Variants in BLTP3B observed in about 807,000 individuals in gnomAD.
BLTP3B encodes bridge-like lipid transfer protein family member 3B.
chr12:100,053,485 AG>A, the BLTP3B span, among the ~76,000 whole-genome samples: 2 of 152,284 alleles, frequency 1.3e-5, no homozygotes, highest in African/African-American at 2.4e-5. Context: ...AAGACTAGTT[AG>A]GGACCAGAGG....
At chr12:100,074,560 T>C in the BLTP3B span, among the ~76,000 whole-genome samples, 3 of 150,190 alleles carry the variant, frequency 2.0e-5, no homozygotes, top group Non-Finnish European at 4.4e-5. Context: ...CACCACTGTA[T>C]TCCAGCCTGG....
the BLTP3B span, among the ~76,000 whole-genome samples, chr12:100,079,522 T>C: frequency 6.6e-6 from 1 of 152,174 alleles, no homozygotes; most frequent in Non-Finnish European, 1.5e-5. Flanking sequence ...TAAGCAGCAA[T>C]GCATTCAAGG....
At chr12:100,042,235 A>G in the BLTP3B span, among the ~76,000 whole-genome samples, 2 of 152,206 alleles carry the variant, frequency 1.3e-5, no homozygotes, top group Non-Finnish European at 2.9e-5. Flanking sequence ...CTTTGTAGAA[A>G]TTATAAGTTG....
At chr12:100,139,152 T>C in the BLTP3B span, among the ~76,000 whole-genome samples, 1 of 152,200 alleles carries the variant, frequency 6.6e-6, no homozygotes, top group East Asian at 1.9e-4. Flanking sequence ...ATTCTTCAAG[T>C]AGATAAACTT....
chr12:100,092,892 A>G, the BLTP3B span: 1 of 985,140 alleles, frequency 1.0e-6, no homozygotes, highest in South Asian at 4.7e-5. Flanking sequence ...CTTCAAAATG[A>G]CTTTTCTTAC....
the BLTP3B span, among the ~76,000 whole-genome samples, chr12:100,132,891 T>C: frequency 7.2e-5 from 11 of 152,026 alleles, no homozygotes; most frequent in African/African-American, 2.7e-4. Flanking sequence ...GAGGTTACAG[T>C]GAGCTGAGAT....
chr12:100,119,129 T>A, the BLTP3B span, among the ~76,000 whole-genome samples: 9 of 151,942 alleles, frequency 5.9e-5, no homozygotes, highest in Admixed American at 1.3e-4. Flanking sequence ...AAAAAATAAA[T>A]AAATAAATTA....
At chr12:100,120,017 T>G in the BLTP3B span, among the ~76,000 whole-genome samples, 1 of 152,244 alleles carries the variant, frequency 6.6e-6, no homozygotes. Context: ...AAGCATATAT[T>G]TGAAAAAAGA....
At chr12:100,121,621 G>A in the BLTP3B span, among the ~76,000 whole-genome samples, 5 of 151,268 alleles carry the variant, frequency 3.3e-5, no homozygotes, top group South Asian at 2.1e-4. Context: ...ACCTGAGGTC[G>A]GGAGTTTGAG....
the BLTP3B span, among the ~76,000 whole-genome samples, chr12:100,094,178 G>C: frequency 6.6e-6 from 1 of 152,150 alleles, no homozygotes; most frequent in African/African-American, 2.4e-5. Context: ...AAGTGCAGGG[G>C]TGCAATGGCT....
the BLTP3B span, chr12:100,088,847 T>A: frequency 3.9e-6 from 5 of 1,268,014 alleles, no homozygotes; most frequent in Non-Finnish European, 4.2e-6. Context: ...ACAGATTTAA[T>A]AAACAATCCA....
the BLTP3B span, among the ~76,000 whole-genome samples, chr12:100,099,581 C>T: frequency 1.3e-5 from 2 of 149,992 alleles, no homozygotes; most frequent in East Asian, 2.0e-4. Context: ...ATCTCGTATC[C>T]GTAGAAAATT....
At chr12:100,077,531 G>C in the BLTP3B span, among the ~76,000 whole-genome samples, 1 of 152,210 alleles carries the variant, frequency 6.6e-6, no homozygotes, top group Admixed American at 6.5e-5. Flanking sequence ...GGATTTAACA[G>C]GCGGCATCAC....
the BLTP3B span, among the ~76,000 whole-genome samples, chr12:100,049,436 T>C: frequency 6.6e-6 from 1 of 152,130 alleles, no homozygotes; most frequent in East Asian, 1.9e-4. Context: ...ACAGGTCAAA[T>C]ATATGCATGT....
the BLTP3B span, among the ~76,000 whole-genome samples, chr12:100,130,989 G>T: frequency 1.6e-5 from 1 of 61,018 alleles, no homozygotes; most frequent in East Asian, 3.1e-4. Context: ...GAGGGAGAGA[G>T]AGAGAGAGAG....
the BLTP3B span, among the ~76,000 whole-genome samples, chr12:100,077,313 C>T: frequency 6.6e-6 from 1 of 152,112 alleles, no homozygotes; most frequent in African/African-American, 2.4e-5. Context: ...TAGGATATAC[C>T]ATACATATAG....
At chr12:100,110,459 C>T in the BLTP3B span, among the ~76,000 whole-genome samples, 1 of 152,122 alleles carries the variant, frequency 6.6e-6, no homozygotes. Context: ...AACCCTGCCA[C>T]TTCCCTGAGG....
At chr12:100,084,700 CT>C in the BLTP3B span, 1 of 1,565,606 alleles carries the variant, frequency 6.4e-7, no homozygotes, top group African/African-American at 1.4e-5. Context: ...AAATGTACAA[CT>C]TTCATTTATT....
the BLTP3B span, among the ~76,000 whole-genome samples, chr12:100,065,602 C>A: frequency 1.3e-5 from 2 of 152,114 alleles, no homozygotes; most frequent in African/African-American, 4.8e-5. Flanking sequence ...TCCTGCAGTA[C>A]CCTCAGGCTT....
Sources: gnomAD v4.1 joint callset for allele counts (sites outside exome capture counted in the v4.1 genomes callset) on GRCh38, gnomAD v4.1.1 for gene constraint, MANE v1.5 for transcripts, NCBI Gene and HGNC (gene_info 2026-07-23, HGNC 2026-07-21) for gene names.